Variants in ABCC1 observed in about 807,000 individuals in gnomAD.
ABCC1 encodes the protein ATP binding cassette subfamily C member 1 (ABCC1 blood group).
ABCC1 carries 83 observed loss-of-function variants against 172.9 expected under a neutral mutation model. That is an observed-to-expected ratio of 0.48 (90% CI 0.40 to 0.58). The LOEUF (loss-of-function observed/expected upper bound fraction) is 0.58. Among genes scored for constraint, ABCC1 ranks in the 20% least tolerant of loss-of-function variants. The probability of loss-of-function intolerance (pLI) is 0.00; values close to 1 mark genes in which losing one functional copy is unlikely to be tolerated. For synonymous variants in ABCC1, 937 were observed against 825.2 expected, an observed-to-expected ratio of 1.14 and a Z score of -2.32; for missense variants, 1,817 against 2,002.7, an observed-to-expected ratio of 0.91 and a Z score of 1.77.
chr16:15,952,639 T>C (rs1193882730), intron 1 of ABCC1, among the ~76,000 whole-genome samples: 1 of 144,588 alleles, frequency 6.9e-6, no homozygotes, highest in Non-Finnish European at 1.5e-5. Flanking sequence ...GGGGTGGGAC[T>C]GGTAGGAGGC....
intron 1 of ABCC1, among the ~76,000 whole-genome samples, chr16:15,987,095 G>A (rs779924754): frequency 4.6e-5 from 7 of 152,182 alleles, no homozygotes; most frequent in Non-Finnish European, 8.8e-5. Flanking sequence ...AGCCCAGAAG[G>A]TGGAGGTTTC....
intron 1 of ABCC1, among the ~76,000 whole-genome samples, chr16:15,957,077 G>GT (rs1269902172): frequency 4.6e-5 from 7 of 151,454 alleles, no homozygotes; most frequent in Admixed American, 2.0e-4. Flanking sequence ...CAGATGGCTT[G>GT]TTTTTTTATT....
At chr16:16,041,032 A>T (rs2048958851) in intron 7 of ABCC1, among the ~76,000 whole-genome samples, 1 of 150,568 alleles carries the variant, frequency 6.6e-6, no homozygotes, top group African/African-American at 2.4e-5. Context: ...GGCTGGAGTG[A>T]TCCTCCCACC....
chr16:16,068,038 C>T, intron 12 of ABCC1, 118 bp from the exon 13 acceptor site: 3 of 1,172,212 alleles, frequency 2.6e-6, no homozygotes, highest in Non-Finnish European at 3.7e-6. Context: ...GCTCCAGCAG[C>T]TGGTCAGTTG....
At chr16:15,964,756 G>A (rs926067523) in intron 1 of ABCC1, among the ~76,000 whole-genome samples, 23 of 151,734 alleles carry the variant, frequency 1.5e-4, no homozygotes, top group Non-Finnish European at 2.5e-4. Context: ...GGACTGAATC[G>A]ATCCTCCGGC....
chr16:16,043,074 G>A (rs1454510273), intron 7 of ABCC1, among the ~76,000 whole-genome samples: 1 of 151,452 alleles, frequency 6.6e-6, no homozygotes, highest in East Asian at 2.0e-4. Context: ...TGTTGGTCAG[G>A]GTGTTCTCAA....
At chr16:16,047,576 A>C (rs997590657) in intron 9 of ABCC1, among the ~76,000 whole-genome samples, 1 of 152,094 alleles carries the variant, frequency 6.6e-6, no homozygotes, top group Non-Finnish European at 1.5e-5. Flanking sequence ...GGTTGTCCCA[A>C]CTGGGGGCGA....
chr16:16,063,493 A>G (rs571570817), intron 12 of ABCC1, among the ~76,000 whole-genome samples: 131 of 152,230 alleles, frequency 8.6e-4, no homozygotes, highest in Non-Finnish European at 1.7e-3. Flanking sequence ...TAGGTAAATG[A>G]ATAAATACAT....
chr16:15,990,781 C>T (rs2046843662), intron 1 of ABCC1, among the ~76,000 whole-genome samples: 1 of 151,178 alleles, frequency 6.6e-6, no homozygotes, highest in Non-Finnish European at 1.5e-5. Context: ...TCCCGAGTAG[C>T]TGGAACCACA....
chr16:15,986,600 G>A (rs215079), intron 1 of ABCC1, among the ~76,000 whole-genome samples: 7 of 152,000 alleles, frequency 4.6e-5, no homozygotes, highest in Non-Finnish European at 1.0e-4. Flanking sequence ...GCCACCCCCC[G>A]CCATCCCTGG....
chr16:16,015,283 G>A (rs1478297218), intron 4 of ABCC1, among the ~76,000 whole-genome samples: 1 of 152,112 alleles, frequency 6.6e-6, no homozygotes, highest in African/African-American at 2.4e-5. Flanking sequence ...GGGACCACAG[G>A]CACGCGCCAC....
At chr16:15,974,530 A>G (rs1424939547) in intron 1 of ABCC1, among the ~76,000 whole-genome samples, 2 of 152,162 alleles carry the variant, frequency 1.3e-5, no homozygotes, top group Non-Finnish European at 2.9e-5. Context: ...AAACTTAGAA[A>G]AAAGCCTCTC....
At chr16:16,018,699 G>GTGCC (rs1457502351) in intron 5 of ABCC1, among the ~76,000 whole-genome samples, 3 of 152,078 alleles carry the variant, frequency 2.0e-5, no homozygotes, top group Admixed American at 6.6e-5. Context: ...ACGTGTGCAT[G>GTGCC]TGCCTGCTTG....
In ABCC1 at chr16:15,977,882, C is replaced by A. The variant is rs2151569279; in HGVS notation, c.48+28083C>A. 1.3e-5 allele frequency among the ~76,000 whole-genome samples: 2 copies of A among 152,276 alleles called. 1 individual carries two copies. The highest frequency in any genetic ancestry group is 4.1e-4 in the South Asian group (2 of 4,822). On this transcript the variant is annotated intron_variant, in intron 1 of 30. Transcript: ENST00000399410. The stretch of plus-strand genomic sequence containing the variant: ...AATGATTTTATCCATATTAAGGAGG[C>A]ATTACATGCAGCAGTGAGCTAACCT...
At chr16:16,111,090 G>A (rs532837810) in intron 21 of ABCC1, among the ~76,000 whole-genome samples, 756 of 152,246 alleles carry the variant, frequency 5.0e-3, no homozygotes, top group Admixed American at 7.5e-3. Context: ...ATAGAGGCAG[G>A]ATTTTGCCAT....
intron 15 of ABCC1, among the ~76,000 whole-genome samples, 196 bp from the exon 16 acceptor site, chr16:16,079,156 G>GC (rs1437909500): frequency 6.6e-6 from 1 of 152,162 alleles, no homozygotes; most frequent in Non-Finnish European, 1.5e-5. Flanking sequence ...CCACCTGGAG[G>GC]CCCCCTGAGA....
chr16:16,038,742 C>T (rs182352479), intron 7 of ABCC1, among the ~76,000 whole-genome samples: 168 of 152,262 alleles, frequency 1.1e-3, no homozygotes, highest in African/African-American at 3.9e-3. Context: ...CCTGCAGCAT[C>T]CCCCCCGCTA....
intron 21 of ABCC1, among the ~76,000 whole-genome samples, chr16:16,108,273 C>CTTTT (rs79826916): frequency 7.1e-4 from 75 of 106,316 alleles, no homozygotes; most frequent in Non-Finnish European, 9.1e-4. Flanking sequence ...TTCTTTGTGT[C>CTTTT]TTTTTTTTTT....
rs1325918780 is a variant in ABCC1 at position 16,068,227 on chromosome 16, C to T, written c.1749C>T (p.Phe583=). The T allele has an allele frequency of 1.7e-5, 28 of 1,614,056 alleles. No individual in the cohort carries two copies. Among genetic ancestry groups the T allele is most frequent in the East Asian group, 4.5e-5 (2 of 44,882 alleles). Residue 583 remains phenylalanine, a synonymous_variant, in exon 13 of 31, where the codon TTC becomes TTT. Transcript: ENST00000399410. Reference sequence around the variant, plus strand: ...ACATCCTGGATGCCCAGACAGCCTTCGTGTCTTTGGCCTTGTTCAACATCC... The same window carrying T: ...ACATCCTGGATGCCCAGACAGCCTTTGTGTCTTTGGCCTTGTTCAACATCC... ...ENNILDAQTA[F]VSLALFNILR...
Sources: gnomAD v4.1 joint callset for allele counts (sites outside exome capture counted in the v4.1 genomes callset) on GRCh38, gnomAD v4.1.1 for gene constraint, MANE v1.5 for transcripts, NCBI Gene and HGNC (gene_info 2026-07-23, HGNC 2026-07-21) for gene names.